LARGE1: variants seen among roughly 807,000 people sequenced by gnomAD.
LARGE1 encodes xylosyl- and glucuronyltransferase LARGE1.
LARGE1 carries 43 observed loss-of-function variants against 87.6 expected under a neutral mutation model. The ratio of observed to expected loss-of-function variants is 0.49; its 90% CI spans 0.38 to 0.63. The LOEUF is 0.63. Ranked by LOEUF, LARGE1 falls within the 30% of genes least tolerant of loss-of-function variation. LARGE1 has a pLI of 0.00. For synonymous variants in LARGE1, 434 were observed against 394.6 expected, an observed-to-expected ratio of 1.10 and a Z score of -1.18; for missense variants, 802 against 1,000.2, an observed-to-expected ratio of 0.80 and a Z score of 2.67.
intron 11 of LARGE1, among the ~76,000 whole-genome samples, chr22:33,265,405 G>A (rs149776788): frequency 2.3e-3 from 345 of 152,234 alleles, no homozygotes; most frequent in African/African-American, 7.9e-3. Context: ...GAATCCAAGC[G>A]CTCTCTCGTC....
chr22:33,079,915 C>A, the LARGE1 span, among the ~76,000 whole-genome samples: 1 of 152,230 alleles, frequency 6.6e-6, no homozygotes, highest in East Asian at 1.9e-4. Flanking sequence ...GCATCATTGG[C>A]CTGGCAGAGC....
chr22:33,922,076 T>C (rs2065962227), upstream of LARGE1, among the ~76,000 whole-genome samples: 1 of 151,786 alleles, frequency 6.6e-6, no homozygotes, highest in Non-Finnish European at 1.5e-5. Context: ...TCTCCACCTC[T>C]CCCCAGCCGG....
intron 4 of LARGE1, among the ~76,000 whole-genome samples, chr22:33,619,274 A>C (rs2079669276): frequency 6.6e-6 from 1 of 152,022 alleles, no homozygotes. Context: ...GAATAATGAG[A>C]CCGGGCACAG....
At chr22:33,658,203 T>C (rs947851256) in intron 2 of LARGE1, among the ~76,000 whole-genome samples, 7 of 152,154 alleles carry the variant, frequency 4.6e-5, no homozygotes, top group African/African-American at 1.7e-4. Flanking sequence ...GGAAACAATA[T>C]GAATGTGCAC....
intron 6 of LARGE1, among the ~76,000 whole-genome samples, chr22:33,513,747 T>C (rs760135071): frequency 4.6e-5 from 7 of 151,056 alleles, no homozygotes; most frequent in Non-Finnish European, 8.8e-5. Context: ...CTCTCAGGGA[T>C]TGGAATGCTG....
At chr22:33,464,510 C>T (rs748545951) in intron 6 of LARGE1, among the ~76,000 whole-genome samples, 11 of 152,014 alleles carry the variant, frequency 7.2e-5, no homozygotes, top group African/African-American at 1.5e-4. Context: ...AGATAAAGAA[C>T]GGCTACAAGT....
chr22:33,891,832 G>A (rs571185831), intron 1 of LARGE1, among the ~76,000 whole-genome samples: 4 of 152,264 alleles, frequency 2.6e-5, no homozygotes, highest in South Asian at 2.1e-4. Flanking sequence ...GAAATTTAAC[G>A]GAAAATTGGC....
At chr22:33,373,984 A>C (rs2064910987) in intron 9 of LARGE1, among the ~76,000 whole-genome samples, 1 of 151,718 alleles carries the variant, frequency 6.6e-6, no homozygotes, top group South Asian at 2.1e-4. Flanking sequence ...AAAAAAAAAA[A>C]AAAAAAAAAA....
intron 2 of LARGE1, among the ~76,000 whole-genome samples, chr22:33,680,179 G>A (rs2081715347): frequency 6.6e-6 from 1 of 152,144 alleles, no homozygotes; most frequent in Non-Finnish European, 1.5e-5. Flanking sequence ...CTGATGAAGG[G>A]CCCTAAGTAA....
Position 33,739,880 on chromosome 22 carries a change from T to C in LARGE1, c.106+21491A>G, listed in dbSNP as rs553462472. On this transcript the variant is annotated intron_variant, in intron 2 of 14. Coordinates refer to ENST00000397394, the MANE Select transcript of LARGE1 (RefSeq NM_133642.5). Reference sequence around the variant, plus strand: ...AGGCGGGGGATGAGATGAGAGCACCTCAAGGTATGAGTACAGAAGCGGAGA... The same window carrying C: ...AGGCGGGGGATGAGATGAGAGCACCCCAAGGTATGAGTACAGAAGCGGAGA... 2.3e-3 allele frequency among the ~76,000 whole-genome samples: 349 copies of C among 152,226 alleles called. 1 individual carries two copies. Among genetic ancestry groups the C allele is most frequent in the African/African-American group, 8.1e-3 (335 of 41,538 alleles).
chr22:33,139,824 CT>C, the LARGE1 span, among the ~76,000 whole-genome samples: 2 of 152,200 alleles, frequency 1.3e-5, no homozygotes, highest in African/African-American at 4.8e-5. Context: ...AGCAAGTTAG[CT>C]CCTTTGGGGA....
At chr22:33,122,570 G>T in the LARGE1 span, among the ~76,000 whole-genome samples, 3 of 151,946 alleles carry the variant, frequency 2.0e-5, no homozygotes, top group South Asian at 4.2e-4. Flanking sequence ...TGTTGGTCAG[G>T]CTGGTCTTGA....
chr22:33,845,592 G>C (rs2063406814), intron 1 of LARGE1, among the ~76,000 whole-genome samples: 1 of 152,158 alleles, frequency 6.6e-6, no homozygotes, highest in Non-Finnish European at 1.5e-5. Context: ...ACAAGTGTGA[G>C]CCACCACGCC....
intron 11 of LARGE1, among the ~76,000 whole-genome samples, chr22:33,229,213 T>C (rs1345480952): frequency 6.6e-6 from 1 of 152,132 alleles, no homozygotes; most frequent in African/African-American, 2.4e-5. Flanking sequence ...GTAAGGATAG[T>C]TCCAAGACAC....
intron 1 of LARGE1, among the ~76,000 whole-genome samples, chr22:33,800,829 T>C (rs900530906): frequency 6.6e-6 from 1 of 152,218 alleles, no homozygotes; most frequent in Admixed American, 6.5e-5. Flanking sequence ...TTTTGAGCTA[T>C]TACAAATAAA....
chr22:33,652,241 A>ACC (rs1251862460), intron 2 of LARGE1, among the ~76,000 whole-genome samples: 3 of 152,112 alleles, frequency 2.0e-5, no homozygotes, highest in Non-Finnish European at 4.4e-5. Context: ...CAGGTCTCTC[A>ACC]ATGTGATGCC....
At chr22:33,690,410 G>A (rs1280544719) in intron 2 of LARGE1, among the ~76,000 whole-genome samples, 1 of 152,078 alleles carries the variant, frequency 6.6e-6, no homozygotes, top group Non-Finnish European at 1.5e-5. Flanking sequence ...GGCTATAAAA[G>A]TTTGTCATTC....
chr22:33,207,075 C>T (rs555992063), intron 11 of LARGE1, among the ~76,000 whole-genome samples: 5 of 152,262 alleles, frequency 3.3e-5, no homozygotes, highest in South Asian at 2.1e-4. Context: ...TGCCCCAAAA[C>T]GGAGCACAGT....
intron 5 of LARGE1, among the ~76,000 whole-genome samples, chr22:33,573,366 G>A (rs2078261927): frequency 6.6e-6 from 1 of 152,090 alleles, no homozygotes; most frequent in African/African-American, 2.4e-5. Context: ...TTGAACCCAG[G>A]AGGTGGGGGT....
Sources: allele counts gnomAD v4.1 joint callset (sites outside exome capture counted in the v4.1 genomes callset), GRCh38; gene constraint gnomAD v4.1.1; transcripts MANE v1.5; gene names NCBI Gene and HGNC (gene_info 2026-07-23, HGNC 2026-07-21).